Variants in ZRANB3 observed in about 807,000 individuals in gnomAD.
The protein encoded by ZRANB3 is zinc finger RANBP2-type containing 3.
Under a neutral mutation model 133.8 loss-of-function variants are expected in ZRANB3, and 125 were observed. The ratio of observed to expected loss-of-function variants is 0.93; its 90% confidence interval spans 0.81 to 1.08. The LOEUF (loss-of-function observed/expected upper bound fraction) is 1.08, where lower values mean the gene tolerates loss of function less well. ZRANB3 is among the 50% of genes least tolerant of loss of function. ZRANB3 has a pLI of 0.00. For missense variants in ZRANB3, 1,229 were observed against 1,275.5 expected (o/e 0.96, Z 0.56); for synonymous variants, 387 against 432.7 (o/e 0.89, Z 1.31).
intron 2 of ZRANB3, among the ~76,000 whole-genome samples, chr2:135,455,589 C>CTTTTTTTTT (rs929421233): frequency 6.3e-5 from 8 of 126,474 alleles, no homozygotes; most frequent in East Asian, 2.3e-4. Flanking sequence ...TGATTTTTTT[C>CTTTTTTTTT]TTTTTTTTTT....
chr2:135,200,390 T>C lies in ZRANB3; in HGVS notation c.3192A>G (p.Leu1064=). Residue 1064 remains leucine, a synonymous_variant, in exon 21 of 21, where the codon CTA becomes CTG. Coordinates refer to ENST00000264159, the MANE Select transcript of ZRANB3 (RefSeq NM_032143.4). ...TGATGTCTGATCCATGCTTTGATGC[T>C]AGAGATTGTCTTCTCACCTGGCTTC... ...KERSQVRRQS[L]ASKHGSDITR... is the part of the protein sequence containing the mutation. 3 of 1,607,872 alleles carry C rather than the reference T, an allele frequency of 1.9e-6. No individual in the cohort carries two copies. The highest frequency in any genetic ancestry group is 2.5e-6 in the Non-Finnish European group (3 of 1,176,908).
intron 1 of ZRANB3, among the ~76,000 whole-genome samples, chr2:135,525,867 A>AT (rs1350695358): frequency 6.6e-6 from 1 of 150,552 alleles, no homozygotes; most frequent in East Asian, 1.9e-4. Context: ...AAAAAAAAAA[A>AT]GGAAATCCTA....
intron 8 of ZRANB3, among the ~76,000 whole-genome samples, chr2:135,299,392 T>C (rs6712377): frequency 0.062 from 9,433 of 152,240 alleles, 577 homozygotes; most frequent in African/African-American, 0.16. Context: ...CAGGCAGCTC[T>C]TGCCCCAGGC....
Position 135,305,341 on chromosome 2 carries a change from A to G in ZRANB3, c.966+8148T>C, listed in dbSNP as rs148486134. On this transcript the variant is annotated intron_variant, in intron 8 of 20. Coordinates refer to ENST00000264159, the MANE Select transcript of ZRANB3 (RefSeq NM_032143.4). ...CACTTTAGGTTTCTCTTTGTGTGGA[A>G]CATCTTTTTCCATCTCTTTGCTTTC... is the stretch of plus-strand genomic sequence containing the variant. Among the ~76,000 whole-genome samples, 3 of 152,260 alleles carry G rather than the reference A, an allele frequency of 2.0e-5. No individual in the cohort carries two copies. In the East Asian group the frequency reaches 5.8e-4, roughly 29 times the overall value.
intron 3 of ZRANB3, among the ~76,000 whole-genome samples, chr2:135,364,220 T>C (rs901907882): frequency 1.3e-5 from 2 of 152,164 alleles, no homozygotes; most frequent in African/African-American, 2.4e-5. Flanking sequence ...ATAACTACTA[T>C]AATGATTAAA....
In ZRANB3 at chr2:135,284,633, G is replaced by A. The variant is rs543131299; in HGVS notation, c.967-8878C>T. Reference sequence around the variant, plus strand: ...ACTACAGGCGCCTGTCACCACGCCCGGCTAATTTTTTGTATTTTTAGTAGA... The same window carrying A: ...ACTACAGGCGCCTGTCACCACGCCCAGCTAATTTTTTGTATTTTTAGTAGA... On this transcript the variant is annotated intron_variant, in intron 8 of 20. Transcript: ENST00000264159. 9.9e-5 allele frequency among the ~76,000 whole-genome samples: 15 copies of A among 152,116 alleles called. No homozygotes were observed. In the South Asian group the frequency reaches 2.7e-3, roughly 27 times the overall value.
intron 2 of ZRANB3, among the ~76,000 whole-genome samples, chr2:135,490,336 T>C (rs1395371979): frequency 6.6e-6 from 1 of 152,100 alleles, no homozygotes; most frequent in African/African-American, 2.4e-5. Context: ...AATTAAAAAA[T>C]GGACAAAAGA....
chr2:135,460,472 G>A (rs931831787), intron 2 of ZRANB3, among the ~76,000 whole-genome samples: 4 of 151,990 alleles, frequency 2.6e-5, no homozygotes, highest in African/African-American at 7.3e-5. Flanking sequence ...TCACCATGTT[G>A]AACAGGCTGG....
intron 12 of ZRANB3, among the ~76,000 whole-genome samples, chr2:135,262,242 T>C (rs1214706546): frequency 1.3e-5 from 2 of 151,650 alleles, no homozygotes; most frequent in Non-Finnish European, 2.9e-5. Context: ...TTTAGCAATA[T>C]TTGACGGAAT....
At chr2:135,249,188 A>G (rs1679242834) in intron 12 of ZRANB3, among the ~76,000 whole-genome samples, 1 of 152,216 alleles carries the variant, frequency 6.6e-6, no homozygotes, top group South Asian at 2.1e-4. Flanking sequence ...GCAGTATGGC[A>G]GTTCTTCAAA....
At chr2:135,391,247 A>C (rs1175492925) in intron 2 of ZRANB3, among the ~76,000 whole-genome samples, 1 of 152,186 alleles carries the variant, frequency 6.6e-6, no homozygotes, top group Non-Finnish European at 1.5e-5. Flanking sequence ...AGAGGTGTTT[A>C]TAAGTATGAG....
chr2:135,385,511 A>G (rs1382469766), intron 3 of ZRANB3, among the ~76,000 whole-genome samples: 1 of 152,200 alleles, frequency 6.6e-6, no homozygotes, highest in Non-Finnish European at 1.5e-5. Flanking sequence ...GGAACCAAAA[A>G]AGAGCCTGTA....
chr2:135,444,694 A>T (rs1234547223), intron 2 of ZRANB3, among the ~76,000 whole-genome samples: 2 of 152,196 alleles, frequency 1.3e-5, no homozygotes, highest in African/African-American at 4.8e-5. Context: ...AGAGGCACAA[A>T]CTTTTTGGTA....
At chr2:135,497,294 A>C (rs1559038453) in intron 2 of ZRANB3, among the ~76,000 whole-genome samples, 1 of 152,212 alleles carries the variant, frequency 6.6e-6, no homozygotes, top group African/African-American at 2.4e-5. Context: ...AATTTTGAAA[A>C]AGAGTAAGGC....
intron 8 of ZRANB3, among the ~76,000 whole-genome samples, chr2:135,288,601 CAG>C (rs1681516740): frequency 6.6e-6 from 1 of 152,112 alleles, no homozygotes; most frequent in Non-Finnish European, 1.5e-5. Context: ...TTGGTCTGTT[CAG>C]AGTCTCTATT....
Position 135,270,500 on chromosome 2 carries a change from T to A in ZRANB3, c.1206+1268A>T, listed in dbSNP as rs1476182818. On this transcript the variant is annotated intron_variant, in intron 10 of 20. Coordinates refer to ENST00000264159, the MANE Select transcript of ZRANB3 (RefSeq NM_032143.4). ...CCCATACATTATTAATTTCAAAAGG[T>A]CCTAGACTCTCCTGTCTGGCTTTCT... Among the ~76,000 whole-genome samples, 4 of 152,280 alleles carry A rather than the reference T, an allele frequency of 2.6e-5. No homozygotes were observed. In the South Asian group the frequency reaches 8.3e-4, roughly 32 times the overall value.
At chr2:135,494,446 C>T (rs991660000) in intron 2 of ZRANB3, among the ~76,000 whole-genome samples, 1 of 151,920 alleles carries the variant, frequency 6.6e-6, no homozygotes, top group Non-Finnish European at 1.5e-5. Flanking sequence ...ATTAATAAAT[C>T]ATTTTACAGC....
intron 6 of ZRANB3, among the ~76,000 whole-genome samples, chr2:135,331,105 T>A (rs375556743): frequency 5.3e-5 from 8 of 152,230 alleles, no homozygotes; most frequent in Admixed American, 5.2e-4. Context: ...TTCTGCTAGC[T>A]TTTGAATGTG....
At chr2:135,406,383 T>C (rs903490392) in intron 2 of ZRANB3, among the ~76,000 whole-genome samples, 2 of 152,200 alleles carry the variant, frequency 1.3e-5, no homozygotes, top group Admixed American at 1.3e-4. Context: ...AGCCGAATTC[T>C]ACCAGAGGTA....
Sources: gnomAD v4.1 joint callset for allele counts (sites outside exome capture counted in the v4.1 genomes callset) on GRCh38, gnomAD v4.1.1 for gene constraint, MANE v1.5 for transcripts, NCBI Gene and HGNC (gene_info 2026-07-23, HGNC 2026-07-21) for gene names.